Variants in ELMOD1 observed in about 807,000 individuals in gnomAD.
The protein encoded by ELMOD1 is ELMO domain-containing protein 1.
Under a neutral mutation model 46.7 loss-of-function variants are expected in ELMOD1, and 21 were observed. That is an observed-to-expected ratio of 0.45 (90% CI 0.32 to 0.65). The LOEUF (loss-of-function observed/expected upper bound fraction) is 0.65, where lower values mean the gene tolerates loss of function less well. Among genes scored for constraint, ELMOD1 ranks in the 30% least tolerant of loss-of-function variants. ELMOD1 has a pLI of 0.04. For synonymous variants in ELMOD1, 122 were observed against 138.2 expected, an observed-to-expected ratio of 0.88 and a Z score of 0.82; for missense variants, 348 against 407.8, an observed-to-expected ratio of 0.85 and a Z score of 1.26.
At chr11:107,600,400 A>G (rs935133556) in intron 1 of ELMOD1, 7 of 152,204 alleles carry the variant, frequency 4.6e-5, no homozygotes, top group African/African-American at 1.7e-4. Flanking sequence ...TTCAATGTCC[A>G]CTGATGTCTT....
chr11:107,626,866 A>C (rs1241482763), intron 2 of ELMOD1, among the ~76,000 whole-genome samples: 1 of 152,158 alleles, frequency 6.6e-6, no homozygotes, highest in Admixed American at 6.5e-5. Flanking sequence ...GGTCCAAATT[A>C]TTTAAGAAGT....
intron 9 of ELMOD1, chr11:107,653,897 G>T: frequency 2.5e-6 from 1 of 394,734 alleles, no homozygotes; most frequent in Non-Finnish European, 4.6e-6. Flanking sequence ...GGAGGGGTTT[G>T]ATCATTAATG....
At chr11:107,660,619 GGCCCTC>G (rs1248458564) in intron 11 of ELMOD1, among the ~76,000 whole-genome samples, 1 of 152,218 alleles carries the variant, frequency 6.6e-6, no homozygotes, top group Non-Finnish European at 1.5e-5. Flanking sequence ...GCTGGTTTCA[GGCCCTC>G]GTTTCCAGCT....
intron 1 of ELMOD1, among the ~76,000 whole-genome samples, chr11:107,603,251 C>A (rs2135654700): frequency 6.6e-6 from 1 of 152,294 alleles, no homozygotes; most frequent in South Asian, 2.1e-4. Context: ...TGAAAACTTT[C>A]AACCAGGCTG....
rs200499547 is a variant in ELMOD1, at chr11:107,665,962, A to AAAAT, written c.*817_*820dup. ...GGCGACAGAGCAAGACTCCATCTCAAAAATAAATAAATAAATAAATAAATA... is the reference window on the plus strand; with the variant it reads ...GGCGACAGAGCAAGACTCCATCTCAAAAATAAATAAATAAATAAATAAATAAATA... On this transcript the variant is annotated 3_prime_UTR_variant, in exon 12 of 12. Coordinates refer to ENST00000265840, the MANE Select transcript of ELMOD1 (RefSeq NM_018712.4). 2,210 of 121,676 alleles carry AAAAT rather than the reference A, an allele frequency of 0.018. 28 individuals are homozygous for AAAAT. The highest frequency in any genetic ancestry group is 0.028 in the Non-Finnish European group (1,512 of 54,620). The allele number at this position is 121,676 out of a possible 1,614,324, so 7.5% of individuals were successfully genotyped here. A position where few individuals can be genotyped will look rare whatever the true frequency, so the allele number is the denominator to read the frequency against.
intron 11 of ELMOD1, among the ~76,000 whole-genome samples, chr11:107,659,450 A>G (rs1866691004): frequency 6.6e-6 from 1 of 152,136 alleles, no homozygotes; most frequent in African/African-American, 2.4e-5. Context: ...CTGAAGGATT[A>G]GAAAGGCTCT....
chr11:107,591,781 C>G, intron 1 of ELMOD1: 2 of 461,618 alleles, frequency 4.3e-6, no homozygotes, highest in South Asian at 3.1e-5. Flanking sequence ...CAAGGGCGGC[C>G]TGGCTGGGGC....
chr11:107,652,072 G>C (rs1866535706), intron 9 of ELMOD1, among the ~76,000 whole-genome samples: 1 of 152,182 alleles, frequency 6.6e-6, no homozygotes, highest in Non-Finnish European at 1.5e-5. Context: ...CAATAAAATT[G>C]AATCAATAAA....
chr11:107,619,138 A>G (rs898301895), intron 2 of ELMOD1, among the ~76,000 whole-genome samples: 1 of 152,080 alleles, frequency 6.6e-6, no homozygotes, highest in Non-Finnish European at 1.5e-5. Context: ...TTTTGGTTCC[A>G]TTGTTGTTTC....
chr11:107,598,387 G>C (rs779533243), intron 1 of ELMOD1, among the ~76,000 whole-genome samples: 4 of 152,186 alleles, frequency 2.6e-5, no homozygotes, highest in Non-Finnish European at 4.4e-5. Flanking sequence ...TCGATGGCTT[G>C]ACAATGCCCA....
intron 2 of ELMOD1, among the ~76,000 whole-genome samples, chr11:107,624,105 A>G (rs570729290): frequency 2.6e-5 from 4 of 152,254 alleles, no homozygotes; most frequent in Admixed American, 2.0e-4. Context: ...CTTATCCCCT[A>G]TAGAATATTT....
At position 107,640,135 on chromosome 11, in the gene ELMOD1, C is replaced by T. The variant is rs187781889; in HGVS notation, c.420+4370C>T. Among the ~76,000 whole-genome samples the T allele has an allele frequency of 1.9e-3, 296 of 152,246 alleles. 1 individual carries two copies. Among genetic ancestry groups the T allele is most frequent in the African/African-American group, 6.9e-3 (287 of 41,530 alleles). On this transcript the variant is annotated intron_variant, in intron 6 of 11. Coordinates refer to ENST00000265840, the MANE Select transcript of ELMOD1 (RefSeq NM_018712.4). ...TCTCCAGCCTCAGCCTCCTGAGTAGCTGGGATTACAGGCATGAGCCACAGC... is the reference window on the plus strand; with the variant it reads ...TCTCCAGCCTCAGCCTCCTGAGTAGTTGGGATTACAGGCATGAGCCACAGC...
chr11:107,615,229 CTTTTTT>C (rs34461488), intron 1 of ELMOD1, among the ~76,000 whole-genome samples: 1 of 81,132 alleles, frequency 1.2e-5, no homozygotes, highest in African/African-American at 5.1e-5. Flanking sequence ...TTGTCAGCAT[CTTTTTT>C]TTTTTTTTTT....
At chr11:107,624,460 G>A (rs898596318) in intron 2 of ELMOD1, among the ~76,000 whole-genome samples, 29 of 152,076 alleles carry the variant, frequency 1.9e-4, no homozygotes, top group Non-Finnish European at 1.5e-5. Flanking sequence ...AGACCAGCTT[G>A]GGCAACACAG....
intron 11 of ELMOD1, among the ~76,000 whole-genome samples, chr11:107,663,686 T>C (rs947196050): frequency 6.6e-6 from 1 of 152,174 alleles, no homozygotes; most frequent in South Asian, 2.1e-4. Flanking sequence ...CTCCTAATTT[T>C]GTATTAAAAT....
chr11:107,609,874 A>G (rs953999449), intron 1 of ELMOD1, among the ~76,000 whole-genome samples: 2 of 152,228 alleles, frequency 1.3e-5, no homozygotes, highest in African/African-American at 4.8e-5. Flanking sequence ...TCAGGGGAAC[A>G]GGTTAGTAAA....
At chr11:107,625,927 C>T (rs1485036063) in intron 2 of ELMOD1, among the ~76,000 whole-genome samples, 1 of 152,112 alleles carries the variant, frequency 6.6e-6, no homozygotes, top group Non-Finnish European at 1.5e-5. Flanking sequence ...TAGGAAGCTA[C>T]AGTAACTCTT....
At chr11:107,641,317 G>GTATATA (rs35650343) in intron 6 of ELMOD1, among the ~76,000 whole-genome samples, 2 of 149,570 alleles carry the variant, frequency 1.3e-5, no homozygotes, top group South Asian at 2.1e-4. Context: ...AAAAAAATAA[G>GTATATA]TATATATATA....
At chr11:107,614,737 C>T (rs1007951347) in intron 1 of ELMOD1, among the ~76,000 whole-genome samples, 5 of 152,210 alleles carry the variant, frequency 3.3e-5, no homozygotes, top group Non-Finnish European at 7.4e-5. Context: ...CAAACTTCAA[C>T]ATTACTTACT....
Sources: allele counts gnomAD v4.1 joint callset (sites outside exome capture counted in the v4.1 genomes callset), GRCh38; gene constraint gnomAD v4.1.1; transcripts MANE v1.5; gene names NCBI Gene and HGNC (gene_info 2026-07-23, HGNC 2026-07-21).